The following TRIP12 variants were observed in gnomAD, a reference collection of about 807,000 sequenced individuals.
The protein encoded by TRIP12 is E3 ubiquitin-protein ligase TRIP12.
A neutral mutation model predicts 244.2 loss-of-function variants in TRIP12; 25 were observed. The ratio of observed to expected loss-of-function variants is 0.10; its 90% confidence interval spans 0.07 to 0.14. The LOEUF (loss-of-function observed/expected upper bound fraction) is 0.14. TRIP12 is among the 10% of genes least tolerant of loss of function. TRIP12 has a pLI of 1.00. For missense variants in TRIP12, 1,677 were observed against 2,486.4 expected (o/e 0.67, Z 6.92); for synonymous variants, 905 against 873.1 (o/e 1.04, Z -0.64).
chr2:229,792,694 T>C lies in TRIP12; in HGVS notation c.4141+279A>G, dbSNP rs371403006. On this transcript the variant is annotated intron_variant, in intron 27 of 41. Transcript: ENST00000675903. Reference sequence around the variant, plus strand: ...CCTGTATATATTACACTCTGATCTATGAAGCAGAAAGGTCTAAGAAAATTG... The same window carrying C: ...CCTGTATATATTACACTCTGATCTACGAAGCAGAAAGGTCTAAGAAAATTG... 3.3e-3 allele frequency among the ~76,000 whole-genome samples: 495 copies of C among 152,286 alleles called. 2 individuals are homozygous for C. Among genetic ancestry groups the C allele is most frequent in the African/African-American group, 0.011 (473 of 41,552 alleles).
chr2:229,903,577 G>A (rs924016936), intron 1 of TRIP12, among the ~76,000 whole-genome samples: 2 of 151,946 alleles, frequency 1.3e-5, no homozygotes, highest in African/African-American at 4.8e-5. Flanking sequence ...ACAACAAGGA[G>A]TCTTCTTACT....
rs1005745024 is a variant in TRIP12, at chr2:229,811,352, G to C, written c.1987-148C>G. ...GCTTTGAAAATGCAAATGGGCCTAA[G>C]CAAGGTACAGTCAGTAACATCACAA... On this transcript the variant is annotated intron_variant, in intron 13 of 41. Transcript: ENST00000675903. The C allele has an allele frequency of 1.2e-5, 9 of 756,542 alleles. No individual in the cohort carries two copies. The African/African-American group carries it at 1.6e-4, about 13-fold the overall frequency. The allele number at this position is 756,542 out of a possible 1,614,324, so 46.9% of individuals were successfully genotyped here.
At chr2:229,833,338 G>A (rs956874601) in intron 6 of TRIP12, among the ~76,000 whole-genome samples, 1 of 152,160 alleles carries the variant, frequency 6.6e-6, no homozygotes. Flanking sequence ...CCAAGCTGAA[G>A]TGCAATGGTG....
intron 6 of TRIP12, among the ~76,000 whole-genome samples, chr2:229,832,015 G>A (rs2053570013): frequency 6.6e-6 from 1 of 151,672 alleles, no homozygotes. Context: ...AATTGTTAAA[G>A]AGGCATGTGT....
At chr2:229,902,602 A>C (rs2071297370) in intron 1 of TRIP12, among the ~76,000 whole-genome samples, 1 of 152,232 alleles carries the variant, frequency 6.6e-6, no homozygotes, top group Non-Finnish European at 1.5e-5. Flanking sequence ...TACTGATTAC[A>C]TACCAGCTTT....
chr2:229,807,778 G>A lies in TRIP12; in HGVS notation c.2426C>T (p.Ala809Val), dbSNP rs373429636. 13 of 1,613,878 alleles carry A rather than the reference G, an allele frequency of 8.1e-6. No homozygotes were observed. Among genetic ancestry groups the A allele is most frequent in the African/African-American group, 8.0e-5 (6 of 74,862 alleles). ...KKGNAQNTDG[A>V]IWQWRDDRGL... ...CCGATCATCACGCCACTGCCATATC[G>A]CACCATCTGTGTTCTGTGCATTTCC... Residue 809 changes from alanine (A) to valine (V), a missense_variant, in exon 17 of 42, where the codon GCG (alanine) becomes GTG (valine). Physicochemically the swap from Ala to Val is moderately conservative, Grantham distance 64. Coordinates refer to ENST00000675903, the MANE Select transcript of TRIP12 (RefSeq NM_001348323.3).
In TRIP12 at chr2:229,860,386, T is replaced by C. The variant is rs527295897; in HGVS notation, c.224+20A>G. 72 of 1,592,006 alleles carry C rather than the reference T, an allele frequency of 4.5e-5. No homozygotes were observed. The highest frequency in any genetic ancestry group is 2.3e-4 in the Admixed American group (13 of 56,892). On this transcript the variant is annotated intron_variant, in intron 3 of 41. Coordinates refer to ENST00000675903, the MANE Select transcript of TRIP12 (RefSeq NM_001348323.3). Reference sequence around the variant, plus strand: ...CAAATAATTCTGCCTTGAAAATGTATAAGCAACATGAAGATTTACCTTTTA... The same window carrying C: ...CAAATAATTCTGCCTTGAAAATGTACAAGCAACATGAAGATTTACCTTTTA...
Position 229,792,215 on chromosome 2 carries a change from C to G in TRIP12, c.4153G>C (p.Val1385Leu), listed in dbSNP as rs918847293. The G allele has an allele frequency of 1.9e-6, 3 of 1,613,776 alleles. No homozygotes were observed. In the African/African-American group the frequency reaches 4.0e-5, roughly 22 times the overall value. ...TCGCTGTCTTCATCATCTTCTCTTACTCTTCCATACCCTGAAGACCCAAGT... is the reference window on the plus strand; with the variant it reads ...TCGCTGTCTTCATCATCTTCTCTTAGTCTTCCATACCCTGAAGACCCAAGT... Reference protein sequence around the residue: ...RYLVVRGYGRVREDDEDSDDD... With the variant: ...RYLVVRGYGRLREDDEDSDDD... Residue 1385 changes from valine (V) to leucine (L), a missense_variant, in exon 28 of 42, where the codon GTA becomes CTA. Physicochemically the swap from Val to Leu is conservative, Grantham distance 32. Around this residue, in one of 11 missense-constraint regions of TRIP12, gnomAD observed 265 missense variants for 370.8 expected, o/e 0.71. Transcript: ENST00000675903.
Position 229,807,851 on chromosome 2 carries a change from A to G in TRIP12, c.2353T>C (p.Cys785Arg), listed in dbSNP as rs752268684. Residue 785 changes from cysteine to arginine, a missense_variant, in exon 17 of 42, where the codon TGT (cysteine) becomes CGT (arginine). Around this residue, in one of 11 missense-constraint regions of TRIP12, gnomAD observed 572 missense variants for 867.8 expected, o/e 0.66. Transcript: ENST00000675903. ...GCAAAAATGCCTTCTTTTGGTAAAC[A>G]TGGCATAAGTTCACTGAAAACAAAA... ...LTSLICELMP[C>R]LPKEGIFAVD... 5.6e-6 allele frequency: 9 copies of G among 1,613,762 alleles called. No homozygotes were observed. The highest frequency in any genetic ancestry group is 6.8e-6 in the Non-Finnish European group (8 of 1,179,740).
intron 2 of TRIP12, among the ~76,000 whole-genome samples, chr2:229,868,992 G>C (rs1303162562): frequency 6.6e-6 from 1 of 152,182 alleles, no homozygotes; most frequent in Non-Finnish European, 1.5e-5. Flanking sequence ...GGAAGTTTTG[G>C]AGATTCAAGA....
At chr2:229,816,768 C>G (rs1265706501) in intron 9 of TRIP12, among the ~76,000 whole-genome samples, 2 of 152,098 alleles carry the variant, frequency 1.3e-5, no homozygotes, top group African/African-American at 4.8e-5. Context: ...ATAAGGTAAG[C>G]CTAGTTATTT....
chr2:229,829,522 T>C (rs909256445), intron 7 of TRIP12, among the ~76,000 whole-genome samples: 1 of 152,250 alleles, frequency 6.6e-6, no homozygotes, highest in Non-Finnish European at 1.5e-5. Flanking sequence ...TTTTGATATT[T>C]TGAAGAGCTA....
chr2:229,771,685 T>C, intron 38 of TRIP12, 53 bp from the exon 39 acceptor site: 1 of 1,385,406 alleles, frequency 7.2e-7, no homozygotes, highest in Non-Finnish European at 1.0e-6. Context: ...ATCTCTTTAC[T>C]ATTTAATATG....
At chr2:229,817,426 T>C (rs1052417234) in intron 9 of TRIP12, among the ~76,000 whole-genome samples, 6 of 152,208 alleles carry the variant, frequency 3.9e-5, no homozygotes. Flanking sequence ...AAATGCTGTA[T>C]TGTGCTAAGG....
intron 9 of TRIP12, 33 bp from the exon 10 acceptor site, chr2:229,815,341 T>C (rs2048231721): frequency 2.3e-6 from 3 of 1,281,644 alleles, no homozygotes; most frequent in Non-Finnish European, 2.2e-6. Flanking sequence ...TTAGAAGCTA[T>C]ATTCCTTGGG....
chr2:229,803,542 T>C (rs759902665), intron 20 of TRIP12, 29 bp downstream of exon 20: 3 of 1,416,144 alleles, frequency 2.1e-6, no homozygotes, highest in Non-Finnish European at 3.0e-6. Flanking sequence ...CTATCTAGAC[T>C]AAATGACTAT....
chr2:229,796,848 A>G (rs2042937719), intron 24 of TRIP12, 66 bp from the exon 25 acceptor site: 2 of 1,386,424 alleles, frequency 1.4e-6, no homozygotes, highest in Non-Finnish European at 1.9e-6. Context: ...CACAACTCAC[A>G]TATCCTCAAA....
At chr2:229,877,820 A>AT (rs1446609716) in intron 2 of TRIP12, among the ~76,000 whole-genome samples, 1 of 152,252 alleles carries the variant, frequency 6.6e-6, no homozygotes, top group African/African-American at 2.4e-5. Context: ...AGCACACGTT[A>AT]TAAGTGTGGA....
intron 15 of TRIP12, among the ~76,000 whole-genome samples, chr2:229,810,204 TA>T (rs2154277942): frequency 6.6e-6 from 1 of 152,110 alleles, no homozygotes; most frequent in East Asian, 1.9e-4. Flanking sequence ...TGCAAAAAGT[TA>T]AAAAGAAGAA....
Sources: allele counts gnomAD v4.1 joint callset (sites outside exome capture counted in the v4.1 genomes callset), GRCh38; gene constraint gnomAD v4.1.1; regional missense constraint gnomAD v4.1.1; transcripts MANE v1.5; gene names NCBI Gene and HGNC (gene_info 2026-07-23, HGNC 2026-07-21).